AP3B1: variants seen among roughly 807,000 people sequenced by gnomAD.
AP3B1 encodes the protein adaptor related protein complex 3 subunit beta 1.
Under a neutral mutation model 132.5 loss-of-function variants are expected in AP3B1, and 61 were observed. The observed-to-expected ratio is 0.46, with a 90% CI of 0.37 to 0.57. AP3B1 has a LOEUF of 0.57. Ranked by LOEUF, AP3B1 falls within the 20% of genes least tolerant of loss-of-function variation. The pLI is 0.00. For synonymous variants in AP3B1, 388 were observed against 438.3 expected, an observed-to-expected ratio of 0.89 and a Z score of 1.43; for missense variants, 1,120 against 1,289.4, an observed-to-expected ratio of 0.87 and a Z score of 2.01.
chr5:78,150,182 C>G (rs1036538158), intron 14 of AP3B1, among the ~76,000 whole-genome samples: 11 of 152,210 alleles, frequency 7.2e-5, no homozygotes, highest in South Asian at 4.1e-4. Flanking sequence ...TATTATAGAA[C>G]ATCACTTGGC....
chr5:78,055,454 A>G (rs1748770876), intron 22 of AP3B1, among the ~76,000 whole-genome samples: 2 of 152,238 alleles, frequency 1.3e-5, no homozygotes, highest in South Asian at 4.1e-4. Flanking sequence ...TATCTAATTG[A>G]TAGGATTCTT....
intron 3 of AP3B1, among the ~76,000 whole-genome samples, chr5:78,235,734 T>A (rs1374462723): frequency 6.6e-6 from 1 of 152,238 alleles, no homozygotes; most frequent in Non-Finnish European, 1.5e-5. Context: ...AGAGCCCCAG[T>A]AGGCTGGAAG....
intron 22 of AP3B1, among the ~76,000 whole-genome samples, chr5:78,069,708 A>T (rs1561386074): frequency 1.3e-5 from 2 of 152,220 alleles, no homozygotes; most frequent in Non-Finnish European, 2.9e-5. Context: ...TGCTATTCCC[A>T]TTAAACTACC....
At chr5:78,109,794 T>G (rs1018702537) in intron 20 of AP3B1, among the ~76,000 whole-genome samples, 2 of 152,172 alleles carry the variant, frequency 1.3e-5, no homozygotes, top group Non-Finnish European at 2.9e-5. Context: ...ACGCAAATTC[T>G]TACTAACTAA....
intron 26 of AP3B1, among the ~76,000 whole-genome samples, chr5:78,013,301 T>C (rs961162336): frequency 2.0e-5 from 3 of 152,150 alleles, no homozygotes; most frequent in African/African-American, 7.2e-5. Flanking sequence ...CACTTTAGCC[T>C]CCCAAAGTAC....
chr5:78,013,799 T>G (rs1326141945), intron 26 of AP3B1, among the ~76,000 whole-genome samples: 1 of 152,238 alleles, frequency 6.6e-6, no homozygotes, highest in Non-Finnish European at 1.5e-5. Context: ...GTGGTCTGTA[T>G]CATGACCTTA....
rs578031359 is a variant in AP3B1, at chr5:78,193,327, T to C, written c.787-11665A>G. On this transcript the variant is annotated intron_variant, in intron 7 of 26. Transcript: ENST00000255194. ...GAATGGTTTTAAAAGTAATCATTCT[T>C]ATTTAACATGTTAACTATATGATGA... 7.9e-5 allele frequency among the ~76,000 whole-genome samples: 12 copies of C among 152,286 alleles called. No individual in the cohort carries two copies. The South Asian group carries it at 2.5e-3, about 32-fold the overall frequency.
At chr5:78,082,509 G>A (rs1750059242) in intron 22 of AP3B1, among the ~76,000 whole-genome samples, 2 of 152,158 alleles carry the variant, frequency 1.3e-5, no homozygotes, top group Admixed American at 1.3e-4. Context: ...AACAAAAAAA[G>A]TGTTTGGGAA....
intron 2 of AP3B1, among the ~76,000 whole-genome samples, chr5:78,252,566 T>TA: frequency 6.6e-6 from 1 of 152,158 alleles, no homozygotes; most frequent in East Asian, 1.9e-4. Context: ...GTTAAGGGAC[T>TA]ATGGGGGTAC....
intron 23 of AP3B1, among the ~76,000 whole-genome samples, chr5:78,037,191 T>G (rs904042768): frequency 7.9e-5 from 12 of 152,206 alleles, no homozygotes; most frequent in Non-Finnish European, 1.3e-4. Flanking sequence ...CATCAACTCA[T>G]TATGCCAGCT....
chr5:78,119,288 C>T (rs893472624), intron 17 of AP3B1, among the ~76,000 whole-genome samples: 1 of 152,166 alleles, frequency 6.6e-6, no homozygotes, highest in African/African-American at 2.4e-5. Flanking sequence ...AGTGCCTCTC[C>T]TCCTCCAAAG....
intron 7 of AP3B1, among the ~76,000 whole-genome samples, chr5:78,188,479 T>C (rs927570259): frequency 2.6e-5 from 4 of 151,940 alleles, no homozygotes; most frequent in African/African-American, 9.7e-5. Flanking sequence ...ATATGAAAAA[T>C]AGCTCAACAT....
intron 22 of AP3B1, among the ~76,000 whole-genome samples, chr5:78,058,949 G>A (rs75151473): frequency 6.6e-6 from 1 of 152,178 alleles, no homozygotes; most frequent in Admixed American, 6.5e-5. Context: ...TCTTCCCACA[G>A]GTTCTATAAG....
rs1746444986 is a variant in AP3B1 at position 78,227,479 on chromosome 5, T to C, written c.429A>G (p.Arg143=). 2 of 1,613,820 alleles carry C rather than the reference T, an allele frequency of 1.2e-6. No individual in the cohort carries two copies. Among genetic ancestry groups the C allele is most frequent in the Non-Finnish European group, 1.7e-6 (2 of 1,179,774 alleles). ...TCATGATAGGTACAATAATTGGCAC[T>C]CTAATACTTGACAGAACTCTCAAAG... is the stretch of plus-strand genomic sequence containing the variant. ...ASALRVLSSI[R]VPIIVPIMML... The change falls in exon 5 of 27, where the codon AGA becomes AGG. Residue 143 remains arginine, a synonymous_variant. Transcript: ENST00000255194.
Position 78,110,304 on chromosome 5 carries a change from GA to G in AP3B1, c.2299del (p.Ser767LeufsTer9). The G allele has an allele frequency of 6.2e-7, 1 of 1,609,426 alleles. No individual in the cohort carries two copies. The highest frequency in any genetic ancestry group is 8.5e-7 in the Non-Finnish European group (1 of 1,176,912). On this transcript the variant is annotated frameshift_variant, in exon 20 of 27. Transcript: ENST00000255194. LOFTEE classifies it high-confidence loss of function. ...TATTGAACTAGATTCGTCATTTGAA[GA>G]ATCTGAAGTTTTAGATTTTTCATTT... Reference protein sequence around the residue: ...KENEKSKTSDSSNDESSSIED... With the variant: ...KENEKSKTSDXSNDESSSIED...
intron 2 of AP3B1, among the ~76,000 whole-genome samples, chr5:78,241,204 A>ATTT (rs34571884): frequency 2.1e-5 from 3 of 146,100 alleles, no homozygotes; most frequent in African/African-American, 5.0e-5. Flanking sequence ...GTTATAAGTA[A>ATTT]TTTTTTTTTT....
Position 78,078,757 on chromosome 5 carries a change from G to A in AP3B1, c.2577+10636C>T, listed in dbSNP as rs1034787348. On this transcript the variant is annotated intron_variant, in intron 22 of 26. Coordinates refer to ENST00000255194, the MANE Select transcript of AP3B1 (RefSeq NM_003664.5). The stretch of plus-strand genomic sequence containing the variant: ...CTAAACTGTGAGCTCCCTTAGGAAG[G>A]GACTATGTTTTATTAACCTGTTATC... Among the ~76,000 whole-genome samples the A allele has an allele frequency of 3.9e-4, 59 of 152,106 alleles. 1 individual carries two copies. Among genetic ancestry groups the A allele is most frequent in the Non-Finnish European group, 7.4e-5 (5 of 67,996 alleles).
intron 21 of AP3B1, among the ~76,000 whole-genome samples, chr5:78,092,651 A>C (rs896596490): frequency 5.9e-5 from 9 of 152,148 alleles, no homozygotes; most frequent in Non-Finnish European, 1.3e-4. Context: ...TCTGAAAGGC[A>C]ATTTTATTTA....
At chr5:78,108,107 C>T (rs907658623) in intron 20 of AP3B1, among the ~76,000 whole-genome samples, 1 of 151,866 alleles carries the variant, frequency 6.6e-6, no homozygotes, top group Non-Finnish European at 1.5e-5. Context: ...ACTCCTAGGT[C>T]GCATTTTCAT....
Sources: allele counts gnomAD v4.1 joint callset (sites outside exome capture counted in the v4.1 genomes callset), GRCh38; gene constraint gnomAD v4.1.1; transcripts MANE v1.5; gene names NCBI Gene and HGNC (gene_info 2026-07-23, HGNC 2026-07-21).